Variants in CD300LG observed in about 807,000 individuals in gnomAD.
The protein encoded by CD300LG is CD300 molecule like family member g.
Under a neutral mutation model 31.5 loss-of-function variants are expected in CD300LG, and 29 were observed. The ratio of observed to expected loss-of-function variants is 0.92; its 90% CI spans 0.68 to 1.25. The LOEUF is 1.25. CD300LG is among the 50% of genes most tolerant of loss of function. CD300LG has a pLI of 0.00. For synonymous variants in CD300LG, 175 were observed against 177.2 expected (o/e 0.99, Z 0.10); for missense variants, 396 against 417.6 (o/e 0.95, Z 0.45).
chr17:43,851,133 C>CAAAAA (rs777282117), intron 2 of CD300LG, among the ~76,000 whole-genome samples: 4 of 40,570 alleles, frequency 9.9e-5, no homozygotes, highest in South Asian at 9.0e-4. Flanking sequence ...GACTCAGTCT[C>CAAAAA]AAAAAAAAAA....
Position 43,857,153 on chromosome 17 carries a change from C to T in CD300LG, c.882C>T (p.Arg294=). The T allele has an allele frequency of 6.2e-7, 1 of 1,614,146 alleles. No homozygotes were observed. Among genetic ancestry groups the T allele is most frequent in the Non-Finnish European group, 8.5e-7 (1 of 1,179,992 alleles). The change falls in exon 6 of 7, where the codon CGC becomes CGT. Residue 294 remains arginine, a synonymous_variant. Coordinates refer to ENST00000317310, the MANE Select transcript of CD300LG (RefSeq NM_145273.4). ...TQRNEKFCLS[R]LTAEEKEAPS... ...GGAACGAGAAGTTCTGCCTCTCACG[C>T]TTGGTAAGGACAGAGGCATATGGAA...
Position 43,861,942 on chromosome 17 carries a change from T to A in CD300LG, c.*31T>A. ...GAGGCCCTCCTGGCCAGGCCAGCAG[T>A]GAAGCAGTATGGCTGGCTGGATCAG... On this transcript the variant is annotated 3_prime_UTR_variant, in exon 7 of 7. Transcript: ENST00000317310. The A allele has an allele frequency of 2.0e-6, 3 of 1,487,290 alleles. No homozygotes were observed. The highest frequency in any genetic ancestry group is 2.8e-6 in the Non-Finnish European group (3 of 1,089,660). The allele number at this position is 1,487,290 out of a possible 1,614,324, so 92.1% of individuals were successfully genotyped here.
At chr17:43,858,000 C>T in intron 6 of CD300LG, 2 of 1,476,416 alleles carry the variant, frequency 1.4e-6, no homozygotes, top group South Asian at 2.7e-5. Context: ...ACGGAGGGGG[C>T]TGCAGCATCG....
chr17:43,861,241 G>T, intron 6 of CD300LG: 1 of 985,426 alleles, frequency 1.0e-6, no homozygotes, highest in Non-Finnish European at 1.2e-6. Context: ...CAGAGATCCA[G>T]TATCTAAGCC....
chr17:43,861,392 C>A, intron 6 of CD300LG: 1 of 592,476 alleles, frequency 1.7e-6, no homozygotes, highest in Non-Finnish European at 2.1e-6. Flanking sequence ...ATCTACCCAC[C>A]TTCCCCATTC....
At chr17:43,857,397 G>A in intron 6 of CD300LG, 1 of 1,535,826 alleles carries the variant, frequency 6.5e-7, no homozygotes, top group African/African-American at 1.4e-5. Context: ...CAGGTGCCAG[G>A]CAGGGTGGGC....
chr17:43,855,290 G>T lies in CD300LG; in HGVS notation c.803G>T (p.Cys268Phe). 6.3e-7 allele frequency: 1 copy of T among 1,599,606 alleles called. No individual in the cohort carries two copies. Among genetic ancestry groups the T allele is most frequent in the South Asian group, 1.1e-5 (1 of 88,460 alleles). The change falls in exon 5 of 7, where the codon TGC (cysteine) becomes TTC (phenylalanine). Residue 268 changes from cysteine (C) to phenylalanine (F), a missense_variant. Cys to Phe is a radical substitution (Grantham distance 205). Transcript: ENST00000317310. ...TCAGCCGCAGGCCTGATCGCCTTCT[G>T]CAGCCACCTGCTCCTGTGGAGAAAG... ...LLSAAGLIAF[C>F]SHLLLWRKEA... is the part of the protein sequence containing the mutation.
At chr17:43,849,231 A>C in intron 2 of CD300LG, 1 of 457,290 alleles carries the variant, frequency 2.2e-6, no homozygotes, top group Non-Finnish European at 3.8e-6. Flanking sequence ...TCAGGGGATA[A>C]AGAAGACTCC....
At chr17:43,852,215 T>C (rs2046380173) in intron 2 of CD300LG, among the ~76,000 whole-genome samples, 2 of 151,764 alleles carry the variant, frequency 1.3e-5, no homozygotes, top group East Asian at 3.9e-4. Context: ...TGCTTTTTTT[T>C]TTTTTTAGAG....
rs1169166326 is a variant in CD300LG at position 43,863,433 on chromosome 17, C to A, written c.*1522C>A. 3.9e-5 allele frequency: 6 copies of A among 152,298 alleles called. No homozygotes were observed. The East Asian group carries it at 1.2e-3, about 29-fold the overall frequency. The allele number at this position is 152,298 out of a possible 1,614,324, so 9.4% of individuals were successfully genotyped here. Reference sequence around the variant, plus strand: ...CACCCATAGTCTCACCAGAGACTATCATTATTTCGTTTTGTTGTACTTCCT... The same window carrying A: ...CACCCATAGTCTCACCAGAGACTATAATTATTTCGTTTTGTTGTACTTCCT... On this transcript the variant is annotated 3_prime_UTR_variant, in exon 7 of 7. Transcript: ENST00000317310.
At chr17:43,859,141 C>A (rs1257307520) in intron 6 of CD300LG, among the ~76,000 whole-genome samples, 3 of 152,160 alleles carry the variant, frequency 2.0e-5, no homozygotes, top group Non-Finnish European at 4.4e-5. Context: ...TCCTCCACCC[C>A]GCTGCACTGA....
At chr17:43,853,768 G>A (rs749040721) in intron 3 of CD300LG, 39 bp from the exon 4 acceptor site, 5 of 1,539,354 alleles carry the variant, frequency 3.2e-6, no homozygotes, top group African/African-American at 1.4e-5. Flanking sequence ...GGATGCAAGG[G>A]TCAGGAAGGA....
chr17:43,857,765 T>C, intron 6 of CD300LG: 2 of 1,536,840 alleles, frequency 1.3e-6, no homozygotes, highest in South Asian at 1.2e-5. Context: ...CCCAGATTTC[T>C]TGACTCCTGC....
At chr17:43,848,952 G>A (rs925663648) in intron 2 of CD300LG, 59 bp downstream of exon 2, 2 of 1,443,452 alleles carry the variant, frequency 1.4e-6, no homozygotes, top group African/African-American at 1.4e-5. Context: ...GAAGAGGGAG[G>A]GGTGGTGGGG....
At chr17:43,853,684 C>A in intron 3 of CD300LG, 123 bp from the exon 4 acceptor site, 1 of 747,736 alleles carries the variant, frequency 1.3e-6, no homozygotes, top group Non-Finnish European at 2.2e-6. Flanking sequence ...TATCCTTTAG[C>A]TGGGGATGTT....
At chr17:43,849,601 G>C (rs1191494018) in intron 2 of CD300LG, 3 of 152,506 alleles carry the variant, frequency 2.0e-5, no homozygotes, top group African/African-American at 7.2e-5. Context: ...GCCCAGGGGA[G>C]TGGGAGCCTT....
At chr17:43,850,519 G>A (rs141571090) in intron 2 of CD300LG, among the ~76,000 whole-genome samples, 6 of 152,020 alleles carry the variant, frequency 3.9e-5, no homozygotes, top group African/African-American at 1.2e-4. Context: ...CATCCAGACG[G>A]GAGTGCAGTG....
chr17:43,850,661 T>A (rs2046322092), intron 2 of CD300LG, among the ~76,000 whole-genome samples: 1 of 151,806 alleles, frequency 6.6e-6, no homozygotes, highest in Admixed American at 6.6e-5. Context: ...GTTTTTTTTT[T>A]AAGATGTGGT....
At chr17:43,856,970 T>C in intron 5 of CD300LG, 134 bp from the exon 6 acceptor site, 1 of 792,852 alleles carries the variant, frequency 1.3e-6, no homozygotes, top group Non-Finnish European at 2.2e-6. Context: ...CCTCTGCCCA[T>C]CTGGCTGCCT....
Sources: allele counts gnomAD v4.1 joint callset (sites outside exome capture counted in the v4.1 genomes callset), GRCh38; gene constraint gnomAD v4.1.1; transcripts MANE v1.5; gene names NCBI Gene and HGNC (gene_info 2026-07-23, HGNC 2026-07-21).